The following PSTPIP2 variants were observed in gnomAD, a reference collection of about 807,000 sequenced individuals.
The protein encoded by PSTPIP2 is proline-serine-threonine phosphatase-interacting protein 2.
In PSTPIP2, 33 loss-of-function variants were observed where a neutral mutation model predicts 63.3. That is an observed-to-expected ratio of 0.52 (90% CI 0.40 to 0.70). PSTPIP2 has a LOEUF of 0.70. PSTPIP2 is among the 30% of genes least tolerant of loss of function. The pLI, the probability that PSTPIP2 is intolerant of heterozygous loss-of-function variation, is 0.00. For missense variants in PSTPIP2, 312 were observed against 400.7 expected (o/e 0.78, Z 1.89); for synonymous variants, 125 against 132.7 (o/e 0.94, Z 0.40).
intron 4 of PSTPIP2, 92 bp from the exon 5 acceptor site, chr18:46,011,379 T>G: frequency 1.0e-6 from 1 of 1,003,956 alleles, no homozygotes; most frequent in Non-Finnish European, 1.5e-6. Flanking sequence ...ATATACAAAA[T>G]ACTGGAGTAA....
At chr18:46,044,617 A>T in intron 1 of PSTPIP2, among the ~76,000 whole-genome samples, 1 of 152,176 alleles carries the variant, frequency 6.6e-6, no homozygotes, top group Non-Finnish European at 1.5e-5. Context: ...TCATGTCTAA[A>T]ACACTAAAAA....
Position 46,029,486 on chromosome 18 carries a change from G to A in PSTPIP2, c.135-4800C>T, listed in dbSNP as rs898503864. On this transcript the variant is annotated intron_variant, in intron 2 of 14. Transcript: ENST00000409746. ...ATTTGTTGATTAAGGCAGTTTATAT[G>A]GATTAAGCATTGCCACATCTAGGAA... 6 of 977,424 alleles carry A rather than the reference G, an allele frequency of 6.1e-6. No homozygotes were observed. In the Admixed American group the frequency reaches 8.5e-5, roughly 14 times the overall value. The allele number at this position is 977,424 out of a possible 1,614,324, so 60.5% of individuals were successfully genotyped here.
At chr18:46,032,754 CAAAAAAAAA>C (rs762015034) in intron 2 of PSTPIP2, among the ~76,000 whole-genome samples, 7 of 50,158 alleles carry the variant, frequency 1.4e-4, no homozygotes, top group Admixed American at 2.3e-4. Flanking sequence ...AACTCTGTGT[CAAAAAAAAA>C]AAAAAAAAAA....
Position 46,046,413 on chromosome 18 carries a change from G to C in PSTPIP2, c.34-6366C>G, listed in dbSNP as rs533950714. Among the ~76,000 whole-genome samples the C allele has an allele frequency of 1.1e-4, 17 of 152,276 alleles. No homozygotes were observed. The South Asian group carries it at 3.5e-3, about 32-fold the overall frequency. On this transcript the variant is annotated intron_variant, in intron 1 of 14. Transcript: ENST00000409746. ...TGATGTCTGCTATACAGCCTCTATAGACATGGGCTCCAGGGATCAGCAGGC... is the reference window on the plus strand; with the variant it reads ...TGATGTCTGCTATACAGCCTCTATACACATGGGCTCCAGGGATCAGCAGGC...
At chr18:46,043,324 G>A (rs530513987) in intron 1 of PSTPIP2, among the ~76,000 whole-genome samples, 70 of 149,748 alleles carry the variant, frequency 4.7e-4, no homozygotes, top group African/African-American at 1.7e-3. Context: ...CTGGGAGATC[G>A]AGGCTGCAGT....
In PSTPIP2 at chr18:46,050,858, T is replaced by G. The variant is rs1908558753; in HGVS notation, c.34-10811A>C. Among the ~76,000 whole-genome samples, 7 of 151,910 alleles carry G rather than the reference T, an allele frequency of 4.6e-5. No homozygotes were observed. In the East Asian group the frequency reaches 1.4e-3, roughly 30 times the overall value. ...AGTGACAATCTCTATCTCTGAACTGTGTGCATTCTTTTTTTTTTTTTTGAG... is the reference window on the plus strand; with the variant it reads ...AGTGACAATCTCTATCTCTGAACTGGGTGCATTCTTTTTTTTTTTTTTGAG... On this transcript the variant is annotated intron_variant, in intron 1 of 14. Coordinates refer to ENST00000409746, the MANE Select transcript of PSTPIP2 (RefSeq NM_024430.4).
rs1599758573 is a variant in PSTPIP2 at position 46,072,128 on chromosome 18, G to A, written c.33+28C>T. On this transcript the variant is annotated intron_variant, in intron 1 of 14. Transcript: ENST00000409746. ...CCGCCCGGGCCGGGTCCTGAGCCCC[G>A]CGATCCGCTGTCGGCCCCACGACTT... The A allele has an allele frequency of 1.3e-5, 20 of 1,527,224 alleles. 1 individual carries two copies. In the East Asian group the frequency reaches 3.7e-4, roughly 28 times the overall value. 94.6% of individuals were successfully genotyped at this position (1,527,224 alleles called of 1,614,324 possible). A position where few individuals can be genotyped will look rare whatever the true frequency, so the allele number is the denominator to read the frequency against.
At chr18:46,070,174 C>A (rs1001971874) in intron 1 of PSTPIP2, among the ~76,000 whole-genome samples, 5 of 152,210 alleles carry the variant, frequency 3.3e-5, no homozygotes, top group Non-Finnish European at 5.9e-5. Flanking sequence ...AGGCTTCATG[C>A]TGTTCGGTAA....
intron 9 of PSTPIP2, among the ~76,000 whole-genome samples, chr18:45,995,446 T>C (rs1262047881): frequency 6.6e-6 from 1 of 152,234 alleles, no homozygotes; most frequent in African/African-American, 2.4e-5. Flanking sequence ...TATATGTACA[T>C]GATATTGCTT....
intron 14 of PSTPIP2, 97 bp from the exon 15 acceptor site, chr18:45,985,547 G>T: frequency 7.5e-7 from 1 of 1,331,930 alleles, no homozygotes; most frequent in Non-Finnish European, 1.0e-6. Context: ...TAAGGGTGCA[G>T]GCCAAGGAAA....
At chr18:46,037,222 A>T (rs1908013763) in intron 2 of PSTPIP2, among the ~76,000 whole-genome samples, 1 of 152,064 alleles carries the variant, frequency 6.6e-6, no homozygotes, top group African/African-American at 2.4e-5. Context: ...GCGAGATCTC[A>T]GCTCACTGCA....
intron 1 of PSTPIP2, among the ~76,000 whole-genome samples, chr18:46,051,964 G>T (rs546659476): frequency 3.3e-5 from 5 of 152,214 alleles, no homozygotes; most frequent in Non-Finnish European, 7.3e-5. Flanking sequence ...GACCCCACGG[G>T]TCTCCTCCTG....
intron 8 of PSTPIP2, among the ~76,000 whole-genome samples, 170 bp downstream of exon 8, chr18:45,998,624 A>T: frequency 6.9e-6 from 1 of 145,724 alleles, no homozygotes; most frequent in African/African-American, 2.5e-5. Flanking sequence ...TCCCTTCCTT[A>T]CTCTCTCCCT....
At chr18:46,069,601 C>T (rs1281518121) in intron 1 of PSTPIP2, among the ~76,000 whole-genome samples, 1 of 152,174 alleles carries the variant, frequency 6.6e-6, no homozygotes, top group Non-Finnish European at 1.5e-5. Flanking sequence ...ACTGATTATT[C>T]CCTTTTGAAG....
Position 46,072,192 on chromosome 18 carries a change from A to C in PSTPIP2, c.-4T>G, listed in dbSNP as rs1450623660. ...CCTTGAACAGTGAGCGCGTCATCGC[A>C]GCGCGAGTGGGGGCGCGGAGGAGAG... On this transcript the variant is annotated 5_prime_UTR_variant, in exon 1 of 15. Transcript: ENST00000409746. The C allele has an allele frequency of 2.0e-6, 3 of 1,535,356 alleles. No individual in the cohort carries two copies. The highest frequency in any genetic ancestry group is 4.0e-5 in the Admixed American group (2 of 49,502).
At chr18:46,058,059 A>T (rs1192101753) in intron 1 of PSTPIP2, among the ~76,000 whole-genome samples, 1 of 151,312 alleles carries the variant, frequency 6.6e-6, no homozygotes, top group East Asian at 1.9e-4. Context: ...TTCTACTTTT[A>T]TGTTTTTTAA....
intron 4 of PSTPIP2, among the ~76,000 whole-genome samples, chr18:46,014,578 T>A (rs1301797222): frequency 1.3e-5 from 2 of 152,104 alleles, no homozygotes; most frequent in African/African-American, 4.8e-5. Context: ...CCAGACGTAG[T>A]GGTGCATGCC....
chr18:46,003,076 T>C (rs2051684991), intron 6 of PSTPIP2, among the ~76,000 whole-genome samples: 1 of 152,222 alleles, frequency 6.6e-6, no homozygotes, highest in Non-Finnish European at 1.5e-5. Flanking sequence ...ATCATCTCAT[T>C]ACTGTCATGT....
intron 1 of PSTPIP2, among the ~76,000 whole-genome samples, chr18:46,045,175 CTA>C (rs759887740): frequency 6.6e-6 from 1 of 152,080 alleles, no homozygotes; most frequent in African/African-American, 2.4e-5. Context: ...ACCCAAAGGA[CTA>C]TATAAATCAT....
Sources: gnomAD v4.1 joint callset for allele counts (sites outside exome capture counted in the v4.1 genomes callset) on GRCh38, gnomAD v4.1.1 for gene constraint, MANE v1.5 for transcripts, NCBI Gene and HGNC (gene_info 2026-07-23, HGNC 2026-07-21) for gene names.